Variants in TRPM4 observed in about 807,000 individuals in gnomAD.
The protein encoded by TRPM4 is calcium-activated non-selective cation channel 1.
In TRPM4, 124 loss-of-function variants were observed where a neutral mutation model predicts 135.6. The ratio of observed to expected loss-of-function variants is 0.91; its 90% confidence interval spans 0.79 to 1.06. The LOEUF is 1.06. Among genes scored for constraint, TRPM4 ranks in the 50% least tolerant of loss-of-function variants. The probability of loss-of-function intolerance (pLI) is 0.00; values close to 1 mark genes in which losing one functional copy is unlikely to be tolerated. For missense variants in TRPM4, 1,658 were observed against 1,671.4 expected (o/e 0.99, Z 0.14); for synonymous variants, 745 against 705.6 (o/e 1.06, Z -0.88).
intron 12 of TRPM4, among the ~76,000 whole-genome samples, chr19:49,184,662 T>G (rs1968130160): frequency 6.6e-6 from 1 of 151,576 alleles, no homozygotes; most frequent in Non-Finnish European, 1.5e-5. Context: ...TTGTATTTTT[T>G]TAGAGACAGG....
chr19:49,167,853 T>C (rs1967280726), intron 3 of TRPM4, 64 bp from the exon 4 acceptor site: 1 of 1,469,974 alleles, frequency 6.8e-7, no homozygotes, highest in South Asian at 1.1e-5. Context: ...TCTCTGGGTC[T>C]CTGTCCCCGT....
At chr19:49,206,728 C>T (rs1313858517) in intron 20 of TRPM4, among the ~76,000 whole-genome samples, 6 of 152,166 alleles carry the variant, frequency 3.9e-5, no homozygotes, top group African/African-American at 1.2e-4. Context: ...TGTGAGCCAC[C>T]GCGCCCGGCC....
rs182984782 is a variant in TRPM4, at chr19:49,188,614, G to C, written c.1744-27G>C. On this transcript the variant is annotated intron_variant, in intron 12 of 24. Transcript: ENST00000252826. The stretch of plus-strand genomic sequence containing the variant: ...TCCCCCTCTATGAACCCTCTTTGAC[G>C]CATCCGTGCCCTCTTTGTCTCTCCA... 4 of 1,613,892 alleles carry C rather than the reference G, an allele frequency of 2.5e-6. No individual in the cohort carries two copies. The African/African-American group carries it at 5.3e-5, about 22-fold the overall frequency.
intron 10 of TRPM4, 118 bp downstream of exon 10, chr19:49,181,579 T>C (rs1039472740): frequency 2.8e-6 from 2 of 712,648 alleles, no homozygotes; most frequent in Non-Finnish European, 4.5e-6. Flanking sequence ...TCACCCAGCC[T>C]GGAGTGCAGA....
At position 49,173,500 on chromosome 19, in the gene TRPM4, A is replaced by G. The variant is rs150063600; in HGVS notation, c.1150+1392A>G. On this transcript the variant is annotated intron_variant, in intron 9 of 24. Transcript: ENST00000252826. ...ATTCTTCCTTCCCTACATGCTTCCA[A>G]TATACATGAAGCACTCTGGCTAGAC... Among the ~76,000 whole-genome samples, 697 of 152,282 alleles carry G rather than the reference A, an allele frequency of 4.6e-3. 5 individuals carry two copies. The highest frequency in any genetic ancestry group is 0.015 in the South Asian group (73 of 4,822).
chr19:49,188,491 C>T, intron 12 of TRPM4, 150 bp from the exon 13 acceptor site: 1 of 1,164,368 alleles, frequency 8.6e-7, no homozygotes, highest in Non-Finnish European at 1.3e-6. Flanking sequence ...TCAGTTTCTT[C>T]CAGATCCATC....
Sources: gnomAD v4.1 joint callset for allele counts (sites outside exome capture counted in the v4.1 genomes callset) on GRCh38, gnomAD v4.1.1 for gene constraint, MANE v1.5 for transcripts, NCBI Gene and HGNC (gene_info 2026-07-23, HGNC 2026-07-21) for gene names.